Variants in CHN2 observed in about 807,000 individuals in gnomAD.
CHN2 encodes chimerin 2, also known as beta-chimaerin.
In CHN2, 35 loss-of-function variants were observed where a neutral mutation model predicts 56.3. That is an observed-to-expected ratio of 0.62 (90% confidence interval 0.47 to 0.82). The LOEUF (loss-of-function observed/expected upper bound fraction) is 0.82. Ranked by LOEUF, CHN2 falls within the 40% of genes least tolerant of loss-of-function variation. The pLI, the probability that CHN2 is intolerant of heterozygous loss-of-function variation, is 0.00. For missense variants in CHN2, 491 were observed against 580.5 expected (o/e 0.85, Z 1.58); for synonymous variants, 210 against 212.8 (o/e 0.99, Z 0.12).
intron 1 of CHN2, among the ~76,000 whole-genome samples, chr7:29,289,377 G>A (rs1210852537): frequency 1.3e-5 from 2 of 152,216 alleles, no homozygotes; most frequent in Admixed American, 6.5e-5. Flanking sequence ...GCCCCGTCAC[G>A]TGCTTGGGAG....
intron 6 of CHN2, among the ~76,000 whole-genome samples, chr7:29,427,959 T>C (rs1805054968): frequency 6.6e-6 from 1 of 152,128 alleles, no homozygotes; most frequent in African/African-American, 2.4e-5. Flanking sequence ...CCGGCCATTT[T>C]TTATTCATGT....
chr7:29,321,346 C>T (rs12532376), intron 1 of CHN2, among the ~76,000 whole-genome samples: 36,375 of 151,858 alleles, frequency 0.24, 4,914 homozygotes, highest in Non-Finnish European at 0.31. Context: ...TGCCAGGGAC[C>T]GGGCACTAAT....
At chr7:29,447,509 G>A (rs999203642) in intron 6 of CHN2, among the ~76,000 whole-genome samples, 1 of 151,996 alleles carries the variant, frequency 6.6e-6, no homozygotes, top group Non-Finnish European at 1.5e-5. Context: ...AGAAAGGGAG[G>A]ACACAAAAAT....
chr7:29,448,965 TA>T (rs1275298291), intron 6 of CHN2, among the ~76,000 whole-genome samples: 2 of 152,314 alleles, frequency 1.3e-5, no homozygotes, highest in Middle Eastern at 3.4e-3. Context: ...TAATTCACTG[TA>T]AAAAATGGTG....
chr7:29,260,603 G>T (rs2128830701), intron 1 of CHN2, among the ~76,000 whole-genome samples: 1 of 152,222 alleles, frequency 6.6e-6, no homozygotes, highest in Admixed American at 6.5e-5. Flanking sequence ...CCTGGATGTA[G>T]CTCTGCCAGC....
chr7:29,431,413 T>C (rs758590529), intron 6 of CHN2, among the ~76,000 whole-genome samples: 9 of 152,172 alleles, frequency 5.9e-5, no homozygotes, highest in Admixed American at 1.3e-4. Flanking sequence ...GATCAGCTTC[T>C]TCCCTCATAT....
intron 1 of CHN2, among the ~76,000 whole-genome samples, chr7:29,240,752 G>C (rs1199340011): frequency 1.3e-5 from 2 of 152,104 alleles, no homozygotes; most frequent in Non-Finnish European, 2.9e-5. Flanking sequence ...ACAAGGTGTG[G>C]TGTTGCAGGA....
chr7:29,321,206 C>T (rs1795316241), intron 1 of CHN2, among the ~76,000 whole-genome samples: 1 of 151,992 alleles, frequency 6.6e-6, no homozygotes, highest in Non-Finnish European at 1.5e-5. Context: ...TAATATTGTC[C>T]CTCTTGTGCA....
chr7:29,444,858 C>A (rs1244259883), intron 6 of CHN2, among the ~76,000 whole-genome samples: 2 of 152,210 alleles, frequency 1.3e-5, no homozygotes, highest in African/African-American at 4.8e-5. Context: ...GGTACCAGAT[C>A]TGCCTCATAC....
chr7:29,340,169 T>C (rs1796931532), intron 1 of CHN2, among the ~76,000 whole-genome samples: 1 of 152,124 alleles, frequency 6.6e-6, no homozygotes, highest in Admixed American at 6.5e-5. Flanking sequence ...TTCCATGAAA[T>C]CGAGTTGAAG....
At chr7:29,147,850 A>G (rs901219201) in intron 2 of CHN2, among the ~76,000 whole-genome samples, 1 of 152,252 alleles carries the variant, frequency 6.6e-6, no homozygotes, top group Non-Finnish European at 1.5e-5. Context: ...AATAAGTTCT[A>G]CCTTCCTACC....
intron 6 of CHN2, among the ~76,000 whole-genome samples, chr7:29,431,956 G>A (rs1024664151): frequency 1.3e-4 from 20 of 152,206 alleles, no homozygotes; most frequent in Admixed American, 1.2e-3. Context: ...CTCACCCTGC[G>A]GGCTGACAGC....
chr7:29,482,797 C>CTTTTTTTTTTTTTTTTTTTTT (rs375120538), intron 7 of CHN2, among the ~76,000 whole-genome samples: 4 of 64,214 alleles, frequency 6.2e-5, no homozygotes, highest in East Asian at 4.1e-4. Context: ...GCACTTTTTT[C>CTTTTTTTTTTTTTTTTTTTTT]TTTTTTTTTT....
chr7:29,417,795 T>TA (rs906501141), intron 6 of CHN2, among the ~76,000 whole-genome samples: 57 of 152,116 alleles, frequency 3.7e-4, no homozygotes, highest in African/African-American at 1.2e-3. Flanking sequence ...AGGCCCTCTT[T>TA]AAAAAAAATT....
At chr7:29,268,293 C>CACACAT (rs541965898) in intron 1 of CHN2, among the ~76,000 whole-genome samples, 2,510 of 148,274 alleles carry the variant, frequency 0.017, 72 homozygotes, top group African/African-American at 0.063. Flanking sequence ...AACACACACA[C>CACACAT]ACACACACAC....
At chr7:29,277,208 C>G (rs1406271301) in intron 1 of CHN2, among the ~76,000 whole-genome samples, 1 of 152,172 alleles carries the variant, frequency 6.6e-6, no homozygotes, top group Non-Finnish European at 1.5e-5. Flanking sequence ...AAGGAGCCCC[C>G]AGAATTTTGC....
chr7:29,212,333 G>T, intron 1 of CHN2: 1 of 1,409,350 alleles, frequency 7.1e-7, no homozygotes, highest in East Asian at 2.3e-5. Context: ...TGCAAAGCTT[G>T]CCTTGCTTCG....
intron 9 of CHN2, among the ~76,000 whole-genome samples, chr7:29,501,637 A>C (rs1789977897): frequency 6.6e-6 from 1 of 152,154 alleles, no homozygotes; most frequent in Non-Finnish European, 1.5e-5. Context: ...TTGATGCCAA[A>C]AGAGTCACAG....
At chr7:29,226,982 T>C (rs537004356) in intron 1 of CHN2, among the ~76,000 whole-genome samples, 1 of 152,318 alleles carries the variant, frequency 6.6e-6, no homozygotes, top group African/African-American at 2.4e-5. Flanking sequence ...TTCCTGTCAC[T>C]GCTGTGCACA....
Sources: allele counts gnomAD v4.1 joint callset (sites outside exome capture counted in the v4.1 genomes callset), GRCh38; gene constraint gnomAD v4.1.1; transcripts MANE v1.5; gene names NCBI Gene and HGNC (gene_info 2026-07-23, HGNC 2026-07-21).